The following ERBB4 variants were observed in gnomAD, a reference collection of about 807,000 sequenced individuals.
ERBB4 encodes receptor tyrosine-protein kinase erbB-4.
In ERBB4, 42 loss-of-function variants were observed where a neutral mutation model predicts 158.0. The ratio of observed to expected loss-of-function variants is 0.27; its 90% CI spans 0.21 to 0.34. ERBB4 has a LOEUF of 0.34. ERBB4 is among the 10% of genes least tolerant of loss of function. ERBB4 has a pLI of 1.00. For synonymous variants in ERBB4, 583 were observed against 558.7 expected (o/e 1.04, Z -0.61); for missense variants, 1,333 against 1,624.1 (o/e 0.82, Z 3.08).
chr2:211,516,727 C>T (rs1321654163), intron 20 of ERBB4, among the ~76,000 whole-genome samples: 1 of 152,124 alleles, frequency 6.6e-6, no homozygotes, highest in Non-Finnish European at 1.5e-5. Context: ...TCTCACGCTG[C>T]AGTCAGAGTG....
chr2:212,171,298 C>T (rs900627918), intron 1 of ERBB4, among the ~76,000 whole-genome samples: 2 of 150,870 alleles, frequency 1.3e-5, no homozygotes, highest in Non-Finnish European at 2.9e-5. Flanking sequence ...CCCATACCCC[C>T]ATTGTATCTT....
chr2:211,549,878 C>A (rs2125699315), intron 20 of ERBB4, among the ~76,000 whole-genome samples: 1 of 152,228 alleles, frequency 6.6e-6, no homozygotes, highest in East Asian at 1.9e-4. Flanking sequence ...CTCCTGTTTG[C>A]TCAGCACTTT....
intron 1 of ERBB4, among the ~76,000 whole-genome samples, chr2:212,432,633 T>G (rs1013721598): frequency 1.3e-5 from 2 of 152,174 alleles, no homozygotes; most frequent in African/African-American, 4.8e-5. Flanking sequence ...GCAGTTATAT[T>G]AGCTCACTGC....
intron 1 of ERBB4, among the ~76,000 whole-genome samples, chr2:212,262,716 A>G (rs968722837): frequency 3.3e-5 from 5 of 152,042 alleles, no homozygotes; most frequent in African/African-American, 1.2e-4. Flanking sequence ...GTGAAGTGCA[A>G]TGGGTTTGGT....
At chr2:212,420,728 A>C (rs997847966) in intron 1 of ERBB4, among the ~76,000 whole-genome samples, 1 of 152,176 alleles carries the variant, frequency 6.6e-6, no homozygotes, top group Non-Finnish European at 1.5e-5. Flanking sequence ...GGCGTTATAA[A>C]GAATTTTGCA....
chr2:211,734,524 A>T (rs1000059521), intron 5 of ERBB4, among the ~76,000 whole-genome samples: 17 of 151,712 alleles, frequency 1.1e-4, no homozygotes, highest in Admixed American at 1.3e-4. Flanking sequence ...CATTAGTTGT[A>T]ACTGAGAATA....
Position 211,584,909 on chromosome 2 carries a change from T to C in ERBB4, c.2302-22821A>G, listed in dbSNP as rs553401096. The stretch of plus-strand genomic sequence containing the variant: ...ATTTTCTTTCTACAACTTTTAAACA[T>C]GTTTTATTTATTTGTGGCGCATTTT... On this transcript the variant is annotated intron_variant, in intron 19 of 27. Transcript: ENST00000342788. Among the ~76,000 whole-genome samples the C allele has an allele frequency of 4.6e-5, 7 of 152,232 alleles. No individual in the cohort carries two copies. The East Asian group carries it at 1.4e-3, about 29-fold the overall frequency.
intron 20 of ERBB4, among the ~76,000 whole-genome samples, chr2:211,469,067 T>G (rs1377627198): frequency 1.3e-5 from 2 of 151,954 alleles, no homozygotes; most frequent in Non-Finnish European, 2.9e-5. Flanking sequence ...AGAGACCTGA[T>G]CCCGCATGTA....
intron 1 of ERBB4, among the ~76,000 whole-genome samples, chr2:212,312,269 A>G (rs2087080104): frequency 6.6e-6 from 1 of 151,054 alleles, no homozygotes; most frequent in African/African-American, 2.4e-5. Context: ...TGCCTTCTCA[A>G]TATGAACATT....
intron 1 of ERBB4, among the ~76,000 whole-genome samples, chr2:212,481,452 C>T (rs971409867): frequency 6.6e-6 from 1 of 152,138 alleles, no homozygotes; most frequent in Non-Finnish European, 1.5e-5. Context: ...TAAAGAGATT[C>T]TAGTAGAACA....
intron 12 of ERBB4, among the ~76,000 whole-genome samples, chr2:211,681,316 T>G (rs1455724056): frequency 1.3e-5 from 2 of 152,206 alleles, no homozygotes. Context: ...TAGATTACTA[T>G]GAATATATGT....
chr2:212,128,302 T>C (rs527648235), intron 1 of ERBB4, among the ~76,000 whole-genome samples: 2 of 152,298 alleles, frequency 1.3e-5, no homozygotes, highest in African/African-American at 4.8e-5. Flanking sequence ...ATTTCTCTCC[T>C]CCCCTTAGAG....
In ERBB4 at chr2:211,380,110, G is replaced by A. The variant is rs1403964817; in HGVS notation, c.*3505C>T. 2 of 231,898 alleles carry A rather than the reference G, an allele frequency of 8.6e-6. No homozygotes were observed. 14.4% of individuals were successfully genotyped at this position (231,898 alleles called of 1,614,324 possible). ...TACAAAAAAGAATCACTTGATTTTA[G>A]TTTGTGTGTTTTAATAGAAATTTGA... On this transcript the variant is annotated 3_prime_UTR_variant, in exon 28 of 28. Coordinates refer to ENST00000342788, the MANE Select transcript of ERBB4 (RefSeq NM_005235.3).
chr2:211,389,889 T>C (rs1398143874), intron 25 of ERBB4, among the ~76,000 whole-genome samples: 1 of 152,204 alleles, frequency 6.6e-6, no homozygotes, highest in Non-Finnish European at 1.5e-5. Context: ...AATATTCATA[T>C]CTACTAAATT....
intron 2 of ERBB4, among the ~76,000 whole-genome samples, chr2:212,015,109 T>A (rs966661435): frequency 1.5e-4 from 13 of 89,344 alleles, no homozygotes; most frequent in African/African-American, 4.3e-4. Context: ...TATATATATA[T>A]ATAAAAATTA....
intron 1 of ERBB4, among the ~76,000 whole-genome samples, chr2:212,511,197 T>C (rs569826053): frequency 1.3e-5 from 2 of 152,318 alleles, no homozygotes; most frequent in Admixed American, 1.3e-4. Context: ...TTTTGTCTTG[T>C]CTTACCTCAT....
At chr2:211,625,657 C>T (rs2069815282) in intron 17 of ERBB4, among the ~76,000 whole-genome samples, 1 of 152,118 alleles carries the variant, frequency 6.6e-6, no homozygotes, top group Non-Finnish European at 1.5e-5. Flanking sequence ...AATGATTGCT[C>T]AACTGAGTTC....
intron 1 of ERBB4, among the ~76,000 whole-genome samples, chr2:212,486,913 A>G (rs1206430720): frequency 1.3e-5 from 2 of 152,168 alleles, no homozygotes; most frequent in Admixed American, 1.3e-4. Flanking sequence ...TTAGCTTTTT[A>G]AGTTATACTA....
At chr2:212,315,998 A>C (rs954938461) in intron 1 of ERBB4, among the ~76,000 whole-genome samples, 18 of 151,504 alleles carry the variant, frequency 1.2e-4, no homozygotes, top group Non-Finnish European at 2.7e-4. Context: ...GGAAGTAAAA[A>C]GCTAAATATT....
Sources: allele counts gnomAD v4.1 joint callset (sites outside exome capture counted in the v4.1 genomes callset), GRCh38; gene constraint gnomAD v4.1.1; transcripts MANE v1.5; gene names NCBI Gene and HGNC (gene_info 2026-07-23, HGNC 2026-07-21).